Variants in ATG4C observed in about 807,000 individuals in gnomAD.
ATG4C encodes cysteine protease ATG4C.
Under a neutral mutation model 57.6 loss-of-function variants are expected in ATG4C, and 56 were observed. The observed-to-expected ratio is 0.97, with a 90% confidence interval of 0.78 to 1.21. The LOEUF (loss-of-function observed/expected upper bound fraction) is 1.21, where lower values mean the gene tolerates loss of function less well. ATG4C is among the 50% of genes most tolerant of loss of function. The pLI, the probability that ATG4C is intolerant of heterozygous loss-of-function variation, is 0.00. For synonymous variants in ATG4C, 157 were observed against 174.1 expected (o/e 0.90, Z 0.78); for missense variants, 595 against 529.8 (o/e 1.12, Z -1.21).
intron 10 of ATG4C, among the ~76,000 whole-genome samples, chr1:62,861,976 A>G (rs896876177): frequency 2.0e-5 from 3 of 152,314 alleles, no homozygotes; most frequent in Non-Finnish European, 4.4e-5. Flanking sequence ...CACATTTTAA[A>G]CTTTTCAGAA....
intron 6 of ATG4C, among the ~76,000 whole-genome samples, chr1:62,823,689 TCTAA>T (rs1200734092): frequency 2.6e-5 from 4 of 152,190 alleles, no homozygotes; most frequent in African/African-American, 9.6e-5. Context: ...AGCATCACCT[TCTAA>T]CTATCTTCCA....
chr1:62,793,470 A>G (rs1228466557), intron 1 of ATG4C, among the ~76,000 whole-genome samples: 1 of 151,398 alleles, frequency 6.6e-6, no homozygotes, highest in Non-Finnish European at 1.5e-5. Context: ...AAAAGTAGCC[A>G]GGTGTGGTTG....
At chr1:62,828,495 GTTGT>G (rs757917759) in intron 6 of ATG4C, among the ~76,000 whole-genome samples, 2 of 152,040 alleles carry the variant, frequency 1.3e-5, no homozygotes, top group Non-Finnish European at 2.9e-5. Context: ...TTTTAATGGG[GTTGT>G]TTGTTTTTCT....
chr1:62,806,850 A>G (rs1277789711), intron 3 of ATG4C, among the ~76,000 whole-genome samples: 1 of 152,220 alleles, frequency 6.6e-6, no homozygotes, highest in East Asian at 1.9e-4. Flanking sequence ...TTATCATTGC[A>G]AGAGCTAGAA....
intron 6 of ATG4C, among the ~76,000 whole-genome samples, chr1:62,825,737 A>C (rs943105771): frequency 6.6e-6 from 1 of 152,022 alleles, no homozygotes; most frequent in African/African-American, 2.4e-5. Flanking sequence ...CTGAATTCCC[A>C]ATTCTCCCTC....
rs1370990059 is a variant in ATG4C, at chr1:62,784,149, G to A, written c.-193G>A. The A allele has an allele frequency of 6.5e-6, 1 of 152,850 alleles. No individual in the cohort carries two copies. Among genetic ancestry groups the A allele is most frequent in the East Asian group, 1.9e-4 (1 of 5,200 alleles). 9.5% of individuals were successfully genotyped at this position (152,850 alleles called of 1,614,324 possible). A position where few individuals can be genotyped will look rare whatever the true frequency, so the allele number is the denominator to read the frequency against. The stretch of plus-strand genomic sequence containing the variant: ...GGGTGCTCAAAGTACCTGTAGCTGC[G>A]GCGCTGAGGTCGGAACGTCTGCGTG... On this transcript the variant is annotated 5_prime_UTR_variant, in exon 1 of 11. Coordinates refer to ENST00000317868, the MANE Select transcript of ATG4C (RefSeq NM_032852.4).
At chr1:62,812,959 A>G (rs1665136058) in intron 3 of ATG4C, among the ~76,000 whole-genome samples, 1 of 152,196 alleles carries the variant, frequency 6.6e-6, no homozygotes, top group Non-Finnish European at 1.5e-5. Context: ...CCGCTGCTCA[A>G]GGGAATAAAA....
At chr1:62,798,397 A>G (rs1263162952) in intron 1 of ATG4C, among the ~76,000 whole-genome samples, 1 of 152,168 alleles carries the variant, frequency 6.6e-6, no homozygotes, top group East Asian at 1.9e-4. Context: ...TGTGCTCTCC[A>G]TTATGTTTTA....
chr1:62,836,182 T>C (rs1572150948), intron 9 of ATG4C, among the ~76,000 whole-genome samples: 1 of 152,124 alleles, frequency 6.6e-6, no homozygotes, highest in East Asian at 1.9e-4. Context: ...CAACTCATTA[T>C]TGGGAGACTG....
intron 10 of ATG4C, among the ~76,000 whole-genome samples, chr1:62,850,185 C>T (rs1266942763): frequency 2.0e-5 from 3 of 152,158 alleles, no homozygotes; most frequent in Non-Finnish European, 4.4e-5. Context: ...AACTGGATCC[C>T]TTGCTCTGTC....
chr1:62,802,288 C>A (rs1230780189), intron 1 of ATG4C, among the ~76,000 whole-genome samples: 2 of 152,062 alleles, frequency 1.3e-5, no homozygotes, highest in Admixed American at 6.5e-5. Context: ...ATCTCCTAGT[C>A]CTGTATAATA....
intron 10 of ATG4C, among the ~76,000 whole-genome samples, chr1:62,843,635 C>T (rs552133644): frequency 6.6e-5 from 10 of 152,108 alleles, no homozygotes; most frequent in South Asian, 6.2e-4. Flanking sequence ...ACCCTATGAA[C>T]GAATAACTCC....
intron 10 of ATG4C, among the ~76,000 whole-genome samples, chr1:62,850,852 A>G (rs7529141): frequency 0.51 from 48,568 of 94,324 alleles, 10,424 homozygotes; most frequent in East Asian, 0.64. Flanking sequence ...GTGTGTATGT[A>G]TGTATATATA....
chr1:62,819,278 A>T lies in ATG4C; in HGVS notation c.668A>T (p.Lys223Met), dbSNP rs772191648. Reference sequence around the variant, plus strand: ...CATCAACTAATAGAATATGGAAAGAAGTCTGGGAAAAAAGCAGGAGATTGG... The same window carrying T: ...CATCAACTAATAGAATATGGAAAGATGTCTGGGAAAAAAGCAGGAGATTGG... ...GLHQLIEYGK[K>M]SGKKAGDWYG... The change falls in exon 5 of 11, where the codon AAG (lysine) becomes ATG (methionine). Residue 223 changes from lysine to methionine, a missense_variant. Transcript: ENST00000317868. The T allele has an allele frequency of 1.9e-6, 3 of 1,612,286 alleles. No homozygotes were observed. Among genetic ancestry groups the T allele is most frequent in the Non-Finnish European group, 2.5e-6 (3 of 1,179,422 alleles).
At chr1:62,813,082 A>G (rs1324815111) in intron 3 of ATG4C, among the ~76,000 whole-genome samples, 2 of 152,214 alleles carry the variant, frequency 1.3e-5, no homozygotes, top group African/African-American at 4.8e-5. Context: ...ATCCCCATCA[A>G]GCTACCATTC....
intron 1 of ATG4C, among the ~76,000 whole-genome samples, chr1:62,798,073 T>G (rs1664532403): frequency 6.6e-6 from 1 of 152,210 alleles, no homozygotes; most frequent in Admixed American, 6.5e-5. Flanking sequence ...CCACCCACTT[T>G]AGCCTCCCAA....
chr1:62,863,890 A>C lies in ATG4C; in HGVS notation c.1210-102A>C, dbSNP rs539173230. On this transcript the variant is annotated intron_variant, in intron 10 of 10. Coordinates refer to ENST00000317868, the MANE Select transcript of ATG4C (RefSeq NM_032852.4). The stretch of plus-strand genomic sequence containing the variant: ...GCACTGGGTGAATGTAAATGAAAGA[A>C]GCTAACAGGAGAGGTTCAGGGCTAA... 4.1e-5 allele frequency: 32 copies of C among 780,546 alleles called. No individual in the cohort carries two copies. The South Asian group carries it at 6.5e-4, about 16-fold the overall frequency. 48.4% of individuals were successfully genotyped at this position (780,546 alleles called of 1,614,324 possible).
At chr1:62,803,935 G>T in intron 2 of ATG4C, 73 bp downstream of exon 2, 1 of 862,178 alleles carries the variant, frequency 1.2e-6, no homozygotes, top group Non-Finnish European at 1.8e-6. Flanking sequence ...CCCCTCTTAA[G>T]TCACTGACAA....
rs547244020 is a variant in ATG4C, at chr1:62,859,503, G to A, written c.1210-4489G>A. ...AATAAAAAATGGTGTACCTGTGTAG[G>A]GAATTTACCATGAATGGCACCTGCA... On this transcript the variant is annotated intron_variant, in intron 10 of 10. Transcript: ENST00000317868. Among the ~76,000 whole-genome samples, 7 of 152,150 alleles carry A rather than the reference G, an allele frequency of 4.6e-5. No homozygotes were observed. In the East Asian group the frequency reaches 9.7e-4, roughly 21 times the overall value.
Sources: allele counts gnomAD v4.1 joint callset (sites outside exome capture counted in the v4.1 genomes callset), GRCh38; gene constraint gnomAD v4.1.1; transcripts MANE v1.5; gene names NCBI Gene and HGNC (gene_info 2026-07-23, HGNC 2026-07-21).